CAST: variants seen among roughly 807,000 people sequenced by gnomAD.
CAST encodes the protein MIR583 host.
CAST carries 76 observed loss-of-function variants against 119.6 expected under a neutral mutation model. That is an observed-to-expected ratio of 0.64 (90% CI 0.53 to 0.77). CAST has a LOEUF of 0.77. Ranked by LOEUF, CAST falls within the 30% of genes least tolerant of loss-of-function variation. CAST has a pLI of 0.00. For synonymous variants in CAST, 319 were observed against 331.6 expected (o/e 0.96, Z 0.41); for missense variants, 953 against 946.5 (o/e 1.01, Z -0.09).
the CAST span, among the ~76,000 whole-genome samples, chr5:96,237,287 C>A: frequency 1.3e-5 from 2 of 152,158 alleles, no homozygotes; most frequent in South Asian, 4.2e-4. Context: ...TACCCTAGAA[C>A]CTTTGTATTG....
the CAST span, among the ~76,000 whole-genome samples, chr5:96,304,712 T>A: frequency 6.6e-6 from 1 of 152,242 alleles, no homozygotes; most frequent in Non-Finnish European, 1.5e-5. Context: ...AGGGAATCCT[T>A]TCCCCATAGC....
At chr5:96,150,554 G>C in the CAST span, among the ~76,000 whole-genome samples, 1 of 152,206 alleles carries the variant, frequency 6.6e-6, no homozygotes, top group Non-Finnish European at 1.5e-5. Context: ...GCATCTCAAG[G>C]CAGAGGCAGG....
At chr5:96,404,702 G>A in the CAST span, among the ~76,000 whole-genome samples, 3 of 152,204 alleles carry the variant, frequency 2.0e-5, no homozygotes, top group East Asian at 5.8e-4. Context: ...GTGGGAGGCT[G>A]CAAGGTGTGG....
At chr5:96,332,625 C>T in the CAST span, among the ~76,000 whole-genome samples, 3 of 152,076 alleles carry the variant, frequency 2.0e-5, no homozygotes, top group East Asian at 1.9e-4. Context: ...GAGGACAGAG[C>T]GACGACATGG....
upstream of CAST, among the ~76,000 whole-genome samples, chr5:96,522,414 ATTGT>A (rs990847353): frequency 2.7e-4 from 41 of 152,298 alleles, no homozygotes; most frequent in African/African-American, 9.1e-4. Context: ...TACATAAGAC[ATTGT>A]TTGTTTCTTC....
intron 1 of CAST, among the ~76,000 whole-genome samples, chr5:96,561,206 G>C (rs556258344): frequency 7.6e-6 from 1 of 131,646 alleles, no homozygotes; most frequent in Non-Finnish European, 1.6e-5. Flanking sequence ...CTGTTGTGGG[G>C]TGGGGGGAGG....
At chr5:96,417,428 A>AT in the CAST span, among the ~76,000 whole-genome samples, 1 of 151,768 alleles carries the variant, frequency 6.6e-6, no homozygotes, top group Non-Finnish European at 1.5e-5. Flanking sequence ...ACTTTTTGTG[A>AT]TTTTTTTCAA....
At chr5:95,986,620 C>A in the CAST span, among the ~76,000 whole-genome samples, 4 of 152,290 alleles carry the variant, frequency 2.6e-5, no homozygotes, top group East Asian at 7.7e-4. Context: ...ACTTTCAAGG[C>A]TTTTCAGCTG....
At chr5:96,465,527 T>A in the CAST span, among the ~76,000 whole-genome samples, 1 of 152,140 alleles carries the variant, frequency 6.6e-6, no homozygotes, top group Non-Finnish European at 1.5e-5. Context: ...TTAGCTTTCT[T>A]TTCATTAATA....
chr5:96,189,899 A>T, the CAST span, among the ~76,000 whole-genome samples: 1 of 152,112 alleles, frequency 6.6e-6, no homozygotes, highest in African/African-American at 2.4e-5. Flanking sequence ...TTGCATGTTT[A>T]CTATATTATC....
the CAST span, among the ~76,000 whole-genome samples, chr5:96,330,770 C>CA: frequency 6.6e-6 from 1 of 152,072 alleles, no homozygotes; most frequent in Non-Finnish European, 1.5e-5. Context: ...TTCATAACAG[C>CA]AAAGGTATTA....
the CAST span, among the ~76,000 whole-genome samples, chr5:96,028,304 G>C: frequency 1.3e-5 from 2 of 151,806 alleles, no homozygotes; most frequent in Non-Finnish European, 2.9e-5. Context: ...TAGTACATGG[G>C]AATAATTTTT....
At chr5:96,062,728 A>C in the CAST span, among the ~76,000 whole-genome samples, 1 of 152,258 alleles carries the variant, frequency 6.6e-6, no homozygotes, top group African/African-American at 2.4e-5. Context: ...GTGTGGAAAA[A>C]TCTGGTTGGC....
the CAST span, among the ~76,000 whole-genome samples, chr5:96,143,744 T>C: frequency 6.6e-6 from 1 of 152,216 alleles, no homozygotes; most frequent in African/African-American, 2.4e-5. Context: ...AAAAGTTCCC[T>C]TACAAGTCCA....
chr5:96,179,320 G>A, the CAST span, among the ~76,000 whole-genome samples: 1 of 152,124 alleles, frequency 6.6e-6, no homozygotes, highest in South Asian at 2.1e-4. Context: ...TTCATCACAG[G>A]TTTTGTCTTG....
chr5:96,702,734 CGGG>C, intron 3 of CAST: 1 of 980,972 alleles, frequency 1.0e-6, no homozygotes, highest in Non-Finnish European at 1.2e-6. Flanking sequence ...GCTCCCGGGG[CGGG>C]GCCGCCGGGC....
chr5:95,965,238 G>C, the CAST span: 13 of 151,430 alleles, frequency 8.6e-5, no homozygotes, highest in Non-Finnish European at 1.8e-4. Flanking sequence ...CAGATCTTCT[G>C]TTTTTTTTTA....
the CAST span, among the ~76,000 whole-genome samples, chr5:96,358,249 C>CT: frequency 6.6e-6 from 1 of 151,954 alleles, no homozygotes; most frequent in Non-Finnish European, 1.5e-5. Flanking sequence ...GGCTGGTGGT[C>CT]TATCTATTTT....
the CAST span, among the ~76,000 whole-genome samples, chr5:96,306,690 C>A: frequency 6.6e-6 from 1 of 152,074 alleles, no homozygotes; most frequent in South Asian, 2.1e-4. Context: ...TTATTTCTGA[C>A]TTAATTTTAT....
Sources: allele counts gnomAD v4.1 joint callset (sites outside exome capture counted in the v4.1 genomes callset), GRCh38; gene constraint gnomAD v4.1.1; transcripts MANE v1.5; gene names NCBI Gene and HGNC (gene_info 2026-07-23, HGNC 2026-07-21).